Variants in HSPA12A observed in about 807,000 individuals in gnomAD.
HSPA12A encodes heat shock 70 kDa protein 12A.
Under a neutral mutation model 69.2 loss-of-function variants are expected in HSPA12A, and 28 were observed. The ratio of observed to expected loss-of-function variants is 0.40; its 90% CI spans 0.30 to 0.55. The LOEUF is 0.55. Ranked by LOEUF, HSPA12A falls within the 20% of genes least tolerant of loss-of-function variation. The pLI is 0.38. For missense variants in HSPA12A, 686 were observed against 900.7 expected (o/e 0.76, Z 3.05); for synonymous variants, 345 against 370.5 (o/e 0.93, Z 0.79).
intron 4 of HSPA12A, among the ~76,000 whole-genome samples, chr10:116,700,287 C>T (rs1287436047): frequency 1.3e-5 from 2 of 152,160 alleles, no homozygotes; most frequent in African/African-American, 4.8e-5. Flanking sequence ...AAATGCTTAA[C>T]TCAAAAAAGT....
chr10:116,765,248 G>A (rs1407346801), intron 2 of HSPA12A, among the ~76,000 whole-genome samples: 1 of 152,168 alleles, frequency 6.6e-6, no homozygotes, highest in Non-Finnish European at 1.5e-5. Flanking sequence ...CCACCCAAAA[G>A]CACATGGGCT....
chr10:116,729,287 G>A (rs1554885415), intron 1 of HSPA12A, among the ~76,000 whole-genome samples: 3 of 152,232 alleles, frequency 2.0e-5, no homozygotes, highest in East Asian at 1.9e-4. Flanking sequence ...TCATTGGGTC[G>A]ACCCTGAAAG....
chr10:116,791,285 C>T (rs751655169), intron 2 of HSPA12A, among the ~76,000 whole-genome samples: 2 of 152,246 alleles, frequency 1.3e-5, no homozygotes, highest in Non-Finnish European at 2.9e-5. Context: ...GTGTTTAAAG[C>T]ATCTTTTCCA....
At chr10:116,773,066 G>T (rs79905289) in intron 2 of HSPA12A, among the ~76,000 whole-genome samples, 1,825 of 152,258 alleles carry the variant, frequency 0.012, 52 homozygotes, top group African/African-American at 0.042. Flanking sequence ...TAGACTAAAA[G>T]TCTGGGTGAG....
chr10:116,723,973 A>G lies in HSPA12A; in HGVS notation c.41-16688T>C, dbSNP rs1280244605. ...ACTCTGCTGAGCCATCCATGGCTGC[A>G]TGGCCCCAACAGAGGCGTATCGGGC... On this transcript the variant is annotated intron_variant, in intron 1 of 11. Transcript: ENST00000369209. The surrounding 1 kb of genome is among the most constrained non-coding windows in gnomAD (Gnocchi z 4.1). Among the ~76,000 whole-genome samples, 2 of 152,234 alleles carry G rather than the reference A, an allele frequency of 1.3e-5. No homozygotes were observed. Among genetic ancestry groups the G allele is most frequent in the Admixed American group, 1.3e-4 (2 of 15,286 alleles).
In HSPA12A at chr10:116,675,252, G is replaced by A. The variant is rs782035745; in HGVS notation, c.1557C>T (p.Val519=). 1 of 1,613,770 alleles carries A rather than the reference G, an allele frequency of 6.2e-7. No individual in the cohort carries two copies. Among genetic ancestry groups the A allele is most frequent in the Non-Finnish European group, 8.5e-7 (1 of 1,180,046 alleles). ...TGACCGCGGGGTCCAGGCCAAAGAG[G>A]ACGGCACCCTTGAGGATGGTGAGGC... ...DVGLTILKGA[V]LFGLDPAVIK... The change falls in exon 12 of 12, where the codon GTC becomes GTT. Residue 519 remains valine, a synonymous_variant. Coordinates refer to ENST00000369209, the MANE Select transcript of HSPA12A (RefSeq NM_025015.3). The surrounding 1 kb of genome is among the most constrained non-coding windows in gnomAD (Gnocchi z 5.2).
intron 5 of HSPA12A, among the ~76,000 whole-genome samples, chr10:116,693,101 G>T (rs1321928644): frequency 6.6e-6 from 1 of 152,156 alleles, no homozygotes; most frequent in Non-Finnish European, 1.5e-5. Flanking sequence ...GTTACACGTG[G>T]TCCCATAGGT....
Position 116,679,724 on chromosome 10 carries a change from G to A in HSPA12A, c.1065C>T (p.Phe355=), listed in dbSNP as rs782197880. ...CAAATATTTTATACAGAAGTTTTTC[G>A]AACTCATAATCTACTCCTAAAGATC... is the stretch of plus-strand genomic sequence containing the variant. ...PYGSLGVDYE[F]EKLLYKIFGE... Residue 355 remains phenylalanine (F), a synonymous_variant, in exon 10 of 12, where the codon TTC becomes TTT. Coordinates refer to ENST00000369209, the MANE Select transcript of HSPA12A (RefSeq NM_025015.3). The A allele has an allele frequency of 1.5e-5, 25 of 1,613,880 alleles. No individual in the cohort carries two copies. Among genetic ancestry groups the A allele is most frequent in the South Asian group, 1.5e-4 (14 of 91,070 alleles).
At chr10:116,812,043 T>C (rs1845199438) in intron 2 of HSPA12A, among the ~76,000 whole-genome samples, 1 of 152,144 alleles carries the variant, frequency 6.6e-6, no homozygotes, top group Non-Finnish European at 1.5e-5. Flanking sequence ...AACCAGAGGC[T>C]GAGTGGGAGA....
chr10:116,849,848 C>A, upstream of HSPA12A: 1 of 1,204,180 alleles, frequency 8.3e-7, no homozygotes, highest in Non-Finnish European at 1.2e-6. Flanking sequence ...GCCGCCCGGG[C>A]CCTGGGCCTG....
intron 1 of HSPA12A, among the ~76,000 whole-genome samples, chr10:116,728,879 CG>C (rs1851062457): frequency 6.6e-6 from 1 of 152,166 alleles, no homozygotes; most frequent in South Asian, 2.1e-4. Context: ...GGGGCAGGTG[CG>C]GGGAGCCTTC....
At chr10:116,791,764 G>T (rs558591490) in intron 2 of HSPA12A, among the ~76,000 whole-genome samples, 1 of 151,916 alleles carries the variant, frequency 6.6e-6, no homozygotes, top group African/African-American at 2.4e-5. Flanking sequence ...CCCACCTCCA[G>T]CCCCTGCCAG....
At chr10:116,726,599 G>A (rs1467250033) in intron 1 of HSPA12A, among the ~76,000 whole-genome samples, 1 of 152,046 alleles carries the variant, frequency 6.6e-6, no homozygotes, top group Non-Finnish European at 1.5e-5. Flanking sequence ...TTCCTTCTGG[G>A]GGTGCCTGTC....
intron 2 of HSPA12A, among the ~76,000 whole-genome samples, chr10:116,793,475 G>A (rs1844744611): frequency 6.6e-6 from 1 of 152,196 alleles, no homozygotes; most frequent in Non-Finnish European, 1.5e-5. Context: ...GGAAGGTGGG[G>A]TGGGAGGACT....
chr10:116,788,459 C>T (rs979148820), intron 2 of HSPA12A, among the ~76,000 whole-genome samples: 2 of 152,224 alleles, frequency 1.3e-5, no homozygotes, highest in Non-Finnish European at 2.9e-5. Context: ...GCTTGTTTCT[C>T]CCCTTGCAAA....
intron 2 of HSPA12A, among the ~76,000 whole-genome samples, chr10:116,769,912 A>C (rs1210082958): frequency 6.6e-6 from 1 of 152,194 alleles, no homozygotes; most frequent in Non-Finnish European, 1.5e-5. Flanking sequence ...CCTTGTGCTT[A>C]AAATTCTTTC....
intron 2 of HSPA12A, among the ~76,000 whole-genome samples, chr10:116,824,693 C>T (rs960128348): frequency 3.9e-5 from 6 of 152,150 alleles, no homozygotes; most frequent in Non-Finnish European, 7.4e-5. Flanking sequence ...GGAGTGCAGT[C>T]GCATGATCTC....
intron 1 of HSPA12A, among the ~76,000 whole-genome samples, chr10:116,713,699 C>T (rs1310919451): frequency 1.3e-5 from 2 of 152,146 alleles, no homozygotes; most frequent in African/African-American, 4.8e-5. Flanking sequence ...TGCATTGGTC[C>T]GTGGGCCTCC....
intron 2 of HSPA12A, among the ~76,000 whole-genome samples, chr10:116,815,037 ATG>A (rs1202428401): frequency 6.6e-6 from 1 of 151,988 alleles, no homozygotes; most frequent in African/African-American, 2.4e-5. Context: ...TCTTGCAGTT[ATG>A]CAGTTTATTT....
Sources: allele counts gnomAD v4.1 joint callset (sites outside exome capture counted in the v4.1 genomes callset), GRCh38; gene constraint gnomAD v4.1.1; non-coding constraint Gnocchi (gnomAD v3.1); transcripts MANE v1.5; gene names NCBI Gene and HGNC (gene_info 2026-07-23, HGNC 2026-07-21).